SYNE2: variants seen among roughly 807,000 people sequenced by gnomAD.
SYNE2 encodes spectrin repeat containing nuclear envelope protein 2, also known as nesprin-2.
A neutral mutation model predicts 856.3 loss-of-function variants in SYNE2; 431 were observed. The observed-to-expected ratio is 0.50, with a 90% CI of 0.47 to 0.55. SYNE2 has a LOEUF of 0.55. Ranked by LOEUF, SYNE2 falls within the 20% of genes least tolerant of loss-of-function variation. The pLI, the probability that SYNE2 is intolerant of heterozygous loss-of-function variation, is 0.00. For missense variants in SYNE2, 8,129 were observed against 8,023.2 expected (o/e 1.01, Z -0.50); for synonymous variants, 2,923 against 2,872.3 (o/e 1.02, Z -0.56).
chr14:63,790,055 A>C (rs1191192994), intron 1 of SYNE2, among the ~76,000 whole-genome samples: 2 of 152,168 alleles, frequency 1.3e-5, no homozygotes, highest in African/African-American at 4.8e-5. Context: ...CAGTGGTAGA[A>C]ATTAAGGGAT....
intron 45 of SYNE2, among the ~76,000 whole-genome samples, chr14:64,045,814 A>G (rs1327539189): frequency 6.6e-6 from 1 of 152,198 alleles, no homozygotes; most frequent in Non-Finnish European, 1.5e-5. Context: ...TCCAGACAGT[A>G]TTTGTTTTAT....
intron 1 of SYNE2, among the ~76,000 whole-genome samples, chr14:63,858,564 G>A (rs554519758): frequency 1.3e-5 from 2 of 151,850 alleles, no homozygotes; most frequent in African/African-American, 4.8e-5. Context: ...CTCCAGGTGC[G>A]TGCCACCACT....
Position 64,127,928 on chromosome 14 carries a change from C to CA in SYNE2, c.13918-517dup, listed in dbSNP as rs1315431534. On this transcript the variant is annotated intron_variant, in intron 73 of 115. Transcript: ENST00000555002. ...TTTTCACATACACACATTCAAGAAA[C>CA]AAAAAAAGTGGTCAGGGATTCTGCA... Among the ~76,000 whole-genome samples the CA allele has an allele frequency of 3.3e-5, 5 of 151,866 alleles. No individual in the cohort carries two copies. In the South Asian group the frequency reaches 6.2e-4, roughly 19 times the overall value.
At chr14:63,833,400 T>C (rs544874371) in intron 1 of SYNE2, among the ~76,000 whole-genome samples, 12 of 152,250 alleles carry the variant, frequency 7.9e-5, no homozygotes, top group African/African-American at 1.9e-4. Context: ...AGATAATATA[T>C]GTGACGACAG....
intron 1 of SYNE2, among the ~76,000 whole-genome samples, chr14:63,814,135 T>C (rs1483776254): frequency 4.0e-5 from 6 of 149,992 alleles, no homozygotes; most frequent in East Asian, 1.9e-4. Context: ...CCAGGCACAG[T>C]GGCAGGCACC....
chr14:63,942,280 A>G, intron 6 of SYNE2, 137 bp downstream of exon 6: 4 of 671,410 alleles, frequency 6.0e-6, no homozygotes, highest in Non-Finnish European at 7.9e-6. Flanking sequence ...TTGAAGAGGT[A>G]GAAAATAATA....
intron 52 of SYNE2, among the ~76,000 whole-genome samples, chr14:64,071,299 C>A (rs1431591856): frequency 6.6e-6 from 1 of 151,782 alleles, no homozygotes; most frequent in Non-Finnish European, 1.5e-5. Context: ...TCAAGACCAT[C>A]CTGGCTAACG....
At chr14:63,822,295 A>G (rs1479751126) in intron 1 of SYNE2, among the ~76,000 whole-genome samples, 1 of 152,182 alleles carries the variant, frequency 6.6e-6, no homozygotes, top group Non-Finnish European at 1.5e-5. Flanking sequence ...AAGTTACACT[A>G]TTTCCATTCT....
chr14:64,122,124 C>T lies in SYNE2; in HGVS notation c.13271C>T (p.Ser4424Leu). The T allele has an allele frequency of 6.2e-7, 1 of 1,614,146 alleles. No individual in the cohort carries two copies. Among genetic ancestry groups the T allele is most frequent in the Non-Finnish European group, 8.5e-7 (1 of 1,180,024 alleles). Residue 4424 changes from serine (S) to leucine (L), a missense_variant, in exon 69 of 116, where the codon TCA (serine) becomes TTA (leucine). Around this residue, in one of 3 missense-constraint regions of SYNE2, gnomAD observed 5,410 missense variants for 5,284.8 expected, o/e 1.02. Transcript: ENST00000555002. ...CQHDNDTTQE[S>L]SASNQASSPE... ...CATGATAACGATACAACTCAGGAAT[C>T]ATCTGCAAGGTAAAACATTTAAAAA... is the stretch of plus-strand genomic sequence containing the variant.
rs369292348 is a variant in SYNE2, at chr14:64,214,337, G to A, written c.19200G>A (p.Gly6400=). 1 of 1,614,104 alleles carries A rather than the reference G, an allele frequency of 6.2e-7. No homozygotes were observed. ...PQSLCHLVAP[G]HERSGCETPV... Reference sequence around the variant, plus strand: ...CCCTGTGTCATCTAGTGGCCCCAGGGCACGAGCGGTCTGGCTGCGAGACCC... The same window carrying A: ...CCCTGTGTCATCTAGTGGCCCCAGGACACGAGCGGTCTGGCTGCGAGACCC... The change falls in exon 106 of 116, where the codon GGG becomes GGA. Residue 6400 remains glycine, a synonymous_variant. Coordinates refer to ENST00000555002, the MANE Select transcript of SYNE2 (RefSeq NM_182914.3).
intron 1 of SYNE2, among the ~76,000 whole-genome samples, chr14:63,800,255 C>A (rs926510700): frequency 6.6e-6 from 1 of 151,842 alleles, no homozygotes; most frequent in Non-Finnish European, 1.5e-5. Flanking sequence ...ACGGAGTCTC[C>A]TTCTGTTGCC....
At chr14:64,008,495 C>T (rs1348601658) in intron 31 of SYNE2, among the ~76,000 whole-genome samples, 1 of 152,184 alleles carries the variant, frequency 6.6e-6, no homozygotes, top group Non-Finnish European at 1.5e-5. Flanking sequence ...CTGTGAAGAC[C>T]ATTACCTATC....
At position 64,104,211 on chromosome 14, in the gene SYNE2, C is replaced by T. The variant is rs374036458; in HGVS notation, c.12492+2169C>T. Among the ~76,000 whole-genome samples, 216 of 152,282 alleles carry T rather than the reference C, an allele frequency of 1.4e-3. 1 individual carries two copies. Among genetic ancestry groups the T allele is most frequent in the African/African-American group, 4.9e-3 (204 of 41,542 alleles). ...GCTATGCTTAAACTGCCATTGACTT[C>T]TGGAGTACAAATTCAATACCCTTTT... On this transcript the variant is annotated intron_variant, in intron 64 of 115. Transcript: ENST00000555002.
chr14:63,991,759 G>A (rs1480880181), intron 21 of SYNE2, among the ~76,000 whole-genome samples: 1 of 152,170 alleles, frequency 6.6e-6, no homozygotes, highest in Non-Finnish European at 1.5e-5. Context: ...GCAAATTGGA[G>A]AGGTAGAGTA....
intron 45 of SYNE2, among the ~76,000 whole-genome samples, chr14:64,046,262 A>G (rs2097185614): frequency 6.6e-6 from 1 of 152,206 alleles, no homozygotes; most frequent in South Asian, 2.1e-4. Flanking sequence ...GCTTTCAGAA[A>G]AGGTCAAATT....
At chr14:64,158,479 C>G in intron 85 of SYNE2, 146 bp from the exon 86 acceptor site, 2 of 828,720 alleles carry the variant, frequency 2.4e-6, no homozygotes, top group Admixed American at 4.1e-5. Context: ...TATGCATTGA[C>G]CTACCCTTTC....
intron 84 of SYNE2, among the ~76,000 whole-genome samples, chr14:64,150,801 TAATA>T (rs1196008993): frequency 2.6e-5 from 4 of 152,300 alleles, no homozygotes; most frequent in South Asian, 2.1e-4. Context: ...AGAAACATGC[TAATA>T]AATAAGGCTG....
Position 64,051,563 on chromosome 14 carries a change from A to G in SYNE2, c.7650A>G (p.Pro2550=), listed in dbSNP as rs1232380048. The G allele has an allele frequency of 1.9e-6, 3 of 1,612,780 alleles. No individual in the cohort carries two copies. The highest frequency in any genetic ancestry group is 2.5e-6 in the Non-Finnish European group (3 of 1,179,510). ...ATTTTTATTCTTTTTCTAGAGGACC[A>G]CTGGACAGTGTAACGTATCTGGACA... is the stretch of plus-strand genomic sequence containing the variant. ...LTDKESLKVG[P]LDSVTYLDKI... The change falls in exon 48 of 116, where the codon CCA becomes CCG. Residue 2550 remains proline (P), a synonymous_variant. Transcript: ENST00000555002.
At chr14:63,898,591 A>G (rs2095291884) in intron 1 of SYNE2, among the ~76,000 whole-genome samples, 1 of 151,600 alleles carries the variant, frequency 6.6e-6, no homozygotes, top group South Asian at 2.1e-4. Context: ...TTTTTTGTAG[A>G]GACGGGGTTT....
Sources: allele counts gnomAD v4.1 joint callset (sites outside exome capture counted in the v4.1 genomes callset), GRCh38; gene constraint gnomAD v4.1.1; regional missense constraint gnomAD v4.1.1; transcripts MANE v1.5; gene names NCBI Gene and HGNC (gene_info 2026-07-23, HGNC 2026-07-21).